BRI3BP: variants seen among roughly 807,000 people sequenced by gnomAD.
BRI3BP encodes BRI3 binding protein, also known as BRI3-binding protein.
A neutral mutation model predicts 15.8 loss-of-function variants in BRI3BP; 7 were observed. That is an observed-to-expected ratio of 0.44 (90% confidence interval 0.25 to 0.83). The LOEUF (loss-of-function observed/expected upper bound fraction) is 0.83. BRI3BP is among the 40% of genes least tolerant of loss of function. The pLI is 0.20. For synonymous variants in BRI3BP, 192 were observed against 163.5 expected (o/e 1.17, Z -1.33); for missense variants, 320 against 339.3 (o/e 0.94, Z 0.45).
chr12:125,037,864 G>A, the BRI3BP span, among the ~76,000 whole-genome samples: 3 of 151,990 alleles, frequency 2.0e-5, no homozygotes, highest in Non-Finnish European at 2.9e-5. Context: ...ATGTATACAC[G>A]TGTGTTGAGC....
chr12:125,014,767 A>G (rs1955228169), intron 2 of BRI3BP, among the ~76,000 whole-genome samples: 1 of 152,110 alleles, frequency 6.6e-6, no homozygotes, highest in South Asian at 2.1e-4. Context: ...TGGCACAAAG[A>G]GGCCCTTTTT....
At chr12:124,997,474 C>T (rs1955051551) in intron 1 of BRI3BP, among the ~76,000 whole-genome samples, 1 of 151,686 alleles carries the variant, frequency 6.6e-6, no homozygotes. Flanking sequence ...CCTCGGCCTC[C>T]CAAAGTGCCG....
At chr12:125,048,717 A>G in the BRI3BP span, among the ~76,000 whole-genome samples, 1 of 151,890 alleles carries the variant, frequency 6.6e-6, no homozygotes, top group Non-Finnish European at 1.5e-5. Flanking sequence ...AATAGTAAAA[A>G]ATAATAATTA....
chr12:125,024,943 C>T, intron 2 of BRI3BP, 48 bp from the exon 3 acceptor site: 2 of 1,515,826 alleles, frequency 1.3e-6, no homozygotes, highest in Non-Finnish European at 1.8e-6. Context: ...TGTTAAGAAA[C>T]CCCTGGCCCC....
intron 2 of BRI3BP, among the ~76,000 whole-genome samples, chr12:125,016,413 T>C (rs1387502881): frequency 2.8e-5 from 4 of 144,834 alleles, no homozygotes; most frequent in African/African-American, 1.0e-4. Flanking sequence ...AATGGTCTAA[T>C]AGCAAAAAAA....
chr12:125,023,696 G>A (rs1014140673), intron 2 of BRI3BP, among the ~76,000 whole-genome samples: 5 of 152,140 alleles, frequency 3.3e-5, no homozygotes, highest in Admixed American at 2.6e-4. Flanking sequence ...ACAGGTGTGT[G>A]CTACCACACC....
In BRI3BP at chr12:125,025,997, T is replaced by A. The variant is rs1392699045; in HGVS notation, c.*567T>A. On this transcript the variant is annotated 3_prime_UTR_variant, in exon 3 of 3. Transcript: ENST00000341446. Reference sequence around the variant, plus strand: ...GACTTAGTTCATGAATGTTGTCACTTCTAAATGTGGACAGTTGGGCTGCAG... The same window carrying A: ...GACTTAGTTCATGAATGTTGTCACTACTAAATGTGGACAGTTGGGCTGCAG... The A allele has an allele frequency of 6.6e-6, 1 of 152,314 alleles. No homozygotes were observed. The highest frequency in any genetic ancestry group is 1.5e-5 in the Non-Finnish European group (1 of 68,142). 9.4% of individuals were successfully genotyped at this position (152,314 alleles called of 1,614,324 possible). A position where few individuals can be genotyped will look rare whatever the true frequency, so the allele number is the denominator to read the frequency against.
intron 1 of BRI3BP, among the ~76,000 whole-genome samples, chr12:125,008,734 G>A (rs1361192982): frequency 1.3e-5 from 2 of 152,030 alleles, no homozygotes; most frequent in African/African-American, 2.4e-5. Context: ...GGCGCATTAC[G>A]TTTATTGTGT....
chr12:125,023,405 T>G (rs1217465861), intron 2 of BRI3BP, among the ~76,000 whole-genome samples: 4 of 152,138 alleles, frequency 2.6e-5, no homozygotes, highest in Non-Finnish European at 4.4e-5. Context: ...TGGCCAAAGC[T>G]TAGTTATGTA....
intron 1 of BRI3BP, among the ~76,000 whole-genome samples, chr12:124,995,895 A>C (rs548871177): frequency 1.3e-5 from 2 of 152,254 alleles, no homozygotes; most frequent in South Asian, 4.1e-4. Context: ...TACAGCATCC[A>C]GAGGCTGACC....
chr12:125,011,536 G>A (rs909834306), intron 1 of BRI3BP, among the ~76,000 whole-genome samples: 1 of 152,186 alleles, frequency 6.6e-6, no homozygotes, highest in Non-Finnish European at 1.5e-5. Flanking sequence ...AAGCAGCTCA[G>A]CTGTACACCT....
the BRI3BP span, among the ~76,000 whole-genome samples, chr12:125,039,164 G>C: frequency 1.3e-5 from 2 of 152,272 alleles, no homozygotes; most frequent in African/African-American, 4.8e-5. Context: ...GCACAAAATG[G>C]AACAGCTAAT....
chr12:125,038,288 C>A, the BRI3BP span, among the ~76,000 whole-genome samples: 5 of 151,498 alleles, frequency 3.3e-5, no homozygotes, highest in Non-Finnish European at 7.4e-5. Context: ...CCGTTCTGTT[C>A]CATCAAAAAA....
intron 2 of BRI3BP, among the ~76,000 whole-genome samples, chr12:125,014,969 GT>G (rs1955230596): frequency 6.6e-6 from 1 of 152,166 alleles, no homozygotes; most frequent in Admixed American, 6.5e-5. Context: ...GTCTTACCAT[GT>G]TGCCCAGGCT....
intron 1 of BRI3BP, among the ~76,000 whole-genome samples, chr12:125,003,981 ACACACACACACACACACACAC>A (rs1955120019): frequency 6.6e-6 from 1 of 150,886 alleles, no homozygotes; most frequent in Admixed American, 6.6e-5. Flanking sequence ...ACACACACAC[ACACACACACACACACACACAC>A]AACACACAAT....
At position 125,026,966 on chromosome 12, in the gene BRI3BP, A is replaced by C. The variant is rs1169900959; in HGVS notation, c.*1536A>C. 3 of 151,594 alleles carry C rather than the reference A, an allele frequency of 2.0e-5. No individual in the cohort carries two copies. Among genetic ancestry groups the C allele is most frequent in the Non-Finnish European group, 4.4e-5 (3 of 67,944 alleles). The allele number at this position is 151,594 out of a possible 1,614,324, so 9.4% of individuals were successfully genotyped here. On this transcript the variant is annotated 3_prime_UTR_variant, in exon 3 of 3. Transcript: ENST00000341446. Reference sequence around the variant, plus strand: ...GACTTCATCTTAAAAAAAAAAAAAAAAGCCCAGCATTTTGCAGCTTTGAAG... The same window carrying C: ...GACTTCATCTTAAAAAAAAAAAAAACAGCCCAGCATTTTGCAGCTTTGAAG...
At position 125,025,546 on chromosome 12, in the gene BRI3BP, T is replaced by A; in HGVS notation, c.*116T>A. Reference sequence around the variant, plus strand: ...TAATAAACACGACTGAGCAAGAAAGTGGCGCTGTGTAGGGCTATTTCCACC... The same window carrying A: ...TAATAAACACGACTGAGCAAGAAAGAGGCGCTGTGTAGGGCTATTTCCACC... On this transcript the variant is annotated 3_prime_UTR_variant, in exon 3 of 3. Coordinates refer to ENST00000341446, the MANE Select transcript of BRI3BP (RefSeq NM_080626.6). 1 of 1,140,760 alleles carries A rather than the reference T, an allele frequency of 8.8e-7. No individual in the cohort carries two copies. Among genetic ancestry groups the A allele is most frequent in the Non-Finnish European group, 1.2e-6 (1 of 831,854 alleles). 70.7% of individuals were successfully genotyped at this position (1,140,760 alleles called of 1,614,324 possible).
At chr12:125,046,244 T>C in the BRI3BP span, among the ~76,000 whole-genome samples, 1 of 151,894 alleles carries the variant, frequency 6.6e-6, no homozygotes, top group South Asian at 2.1e-4. Context: ...GCTATACATA[T>C]CTGTATGTTT....
chr12:125,044,020 TAAAAAAA>T, the BRI3BP span, among the ~76,000 whole-genome samples: 2 of 131,796 alleles, frequency 1.5e-5, no homozygotes, highest in African/African-American at 2.8e-5. Context: ...GCAAGACATT[TAAAAAAA>T]AAAAAAAAAA....
Sources: allele counts gnomAD v4.1 joint callset (sites outside exome capture counted in the v4.1 genomes callset), GRCh38; gene constraint gnomAD v4.1.1; transcripts MANE v1.5; gene names NCBI Gene and HGNC (gene_info 2026-07-23, HGNC 2026-07-21).